The following ANTXRL variants were observed in gnomAD, a reference collection of about 807,000 sequenced individuals.
ANTXRL encodes the protein anthrax toxin receptor-like.
In ANTXRL, 63 loss-of-function variants were observed where a neutral mutation model predicts 75.4. That is an observed-to-expected ratio of 0.84 (90% CI 0.68 to 1.03). The LOEUF (loss-of-function observed/expected upper bound fraction) is 1.03. Ranked by LOEUF, ANTXRL falls within the 50% of genes least tolerant of loss-of-function variation. ANTXRL has a pLI of 0.00. For missense variants in ANTXRL, 797 were observed against 789.4 expected (o/e 1.01, Z -0.12); for synonymous variants, 335 against 291.3 (o/e 1.15, Z -1.53).
intron 16 of ANTXRL, among the ~76,000 whole-genome samples, chr10:46,324,346 G>A (rs112821088): frequency 2.0e-5 from 3 of 152,154 alleles, no homozygotes; most frequent in East Asian, 3.8e-4. Context: ...GCTGAGCAGA[G>A]GTCTATTACC....
intron 2 of ANTXRL, 101 bp downstream of exon 2, chr10:46,292,230 T>C: frequency 9.1e-7 from 1 of 1,101,866 alleles, no homozygotes; most frequent in Non-Finnish European, 1.3e-6. Flanking sequence ...GGCGTGGGAG[T>C]CCTTCAGTGG....
chr10:46,301,831 G>A (rs1554960631), intron 9 of ANTXRL, among the ~76,000 whole-genome samples: 1 of 152,214 alleles, frequency 6.6e-6, no homozygotes, highest in Admixed American at 6.5e-5. Context: ...TGGACCGGGG[G>A]CGCCCCAAGC....
At chr10:46,291,942 T>C (rs1554956590) in intron 1 of ANTXRL, 116 bp from the exon 2 acceptor site, 2 of 898,236 alleles carry the variant, frequency 2.2e-6, no homozygotes, top group Non-Finnish European at 3.5e-6. Context: ...CAGCCTCAGC[T>C]GTGCTGGGGT....
chr10:46,329,451 C>T, intron 16 of ANTXRL, 148 bp from the exon 17 acceptor site: 2 of 1,063,028 alleles, frequency 1.9e-6, no homozygotes, highest in Non-Finnish European at 2.6e-6. Context: ...GGAGGCAGCA[C>T]CAAGGGGAGA....
At chr10:46,324,806 G>A (rs1839137653) in intron 16 of ANTXRL, among the ~76,000 whole-genome samples, 1 of 152,114 alleles carries the variant, frequency 6.6e-6, no homozygotes, top group Non-Finnish European at 1.5e-5. Context: ...AGGAGAGTCA[G>A]GAAACTCTAC....
chr10:46,293,389 CCTGTGTGTGTG>C (rs1837142237), intron 2 of ANTXRL, among the ~76,000 whole-genome samples: 1 of 110,900 alleles, frequency 9.0e-6, no homozygotes, highest in African/African-American at 3.7e-5. Context: ...TGAGTGTGTG[CCTGTGTGTGTG>C]AGTGTGTGCC....
intron 1 of ANTXRL, among the ~76,000 whole-genome samples, chr10:46,289,508 G>A (rs191867808): frequency 6.6e-6 from 1 of 152,226 alleles, no homozygotes. Context: ...CAAGAGGATC[G>A]CTTGAGTCTA....
At chr10:46,321,153 AT>A (rs1554965502) in intron 16 of ANTXRL, among the ~76,000 whole-genome samples, 1 of 152,054 alleles carries the variant, frequency 6.6e-6, no homozygotes, top group East Asian at 1.9e-4. Context: ...TTGTTTCTTC[AT>A]TTTTTTGGTT....
At chr10:46,313,393 G>T (rs1838545525) in intron 16 of ANTXRL, 77 bp downstream of exon 16, 8 of 1,417,938 alleles carry the variant, frequency 5.6e-6, no homozygotes, top group South Asian at 4.9e-5. Context: ...TCTGGGATTG[G>T]GGCTCAGAGA....
intron 10 of ANTXRL, 62 bp from the exon 11 acceptor site, chr10:46,306,741 C>A: frequency 1.4e-6 from 2 of 1,389,460 alleles, no homozygotes; most frequent in Non-Finnish European, 1.9e-6. Context: ...TGAGGACAGA[C>A]ATGGGGAGGA....
At chr10:46,293,475 CAT>C (rs1304154664) in intron 2 of ANTXRL, among the ~76,000 whole-genome samples, 2 of 136,804 alleles carry the variant, frequency 1.5e-5, no homozygotes, top group African/African-American at 5.6e-5. Flanking sequence ...TGTGTGTATG[CAT>C]GTGTGTGGGT....
intron 11 of ANTXRL, 141 bp from the exon 12 acceptor site, chr10:46,307,261 T>A (rs1565035050): frequency 1.5e-6 from 1 of 687,838 alleles, no homozygotes; most frequent in African/African-American, 1.8e-5. Flanking sequence ...CCTCACTGTC[T>A]GACCCACTTA....
chr10:46,296,332 A>G, intron 5 of ANTXRL, 80 bp downstream of exon 5: 1 of 1,467,876 alleles, frequency 6.8e-7, no homozygotes, highest in Non-Finnish European at 9.2e-7. Flanking sequence ...TGTGTGCAGA[A>G]TCTGCAAGGC....
chr10:46,308,613 C>T, intron 12 of ANTXRL: 1 of 360,446 alleles, frequency 2.8e-6, no homozygotes, highest in South Asian at 2.1e-5. Context: ...GGACTTGGAG[C>T]TCTCTAAACC....
chr10:46,287,800 G>A (rs1337137296), intron 1 of ANTXRL, among the ~76,000 whole-genome samples: 7 of 152,174 alleles, frequency 4.6e-5, no homozygotes, highest in African/African-American at 1.2e-4. Context: ...TCACGCTGCT[G>A]CAACAGATGA....
In ANTXRL at chr10:46,292,067, C is replaced by T. The variant is rs1315585866; in HGVS notation, c.258C>T (p.Ser86=). The change falls in exon 2 of 17, where the codon AGC becomes AGT. Residue 86 remains serine, a synonymous_variant. Coordinates refer to ENST00000620264, the MANE Select transcript of ANTXRL (RefSeq NM_001278688.3). ...DLYFILDKSG[S]VNNNWIDLYM... is the part of the protein sequence containing the mutation. ...TCTCCTTTTGTTTTAGGTCTGGCAG[C>T]GTGAACAATAACTGGATTGACCTTT... 41 of 1,536,254 alleles carry T rather than the reference C, an allele frequency of 2.7e-5. No individual in the cohort carries two copies. Among genetic ancestry groups the T allele is most frequent in the Middle Eastern group, 3.3e-4 (2 of 5,984 alleles).
chr10:46,311,890 C>A (rs1289980923), intron 15 of ANTXRL, among the ~76,000 whole-genome samples: 1 of 151,826 alleles, frequency 6.6e-6, no homozygotes, highest in Non-Finnish European at 1.5e-5. Context: ...CCGGGTCTGT[C>A]CCCACACATT....
intron 10 of ANTXRL, among the ~76,000 whole-genome samples, chr10:46,306,491 T>G (rs1196927605): frequency 6.6e-6 from 1 of 152,182 alleles, no homozygotes; most frequent in African/African-American, 2.4e-5. Context: ...CCTCTGGTCA[T>G]GGACATCACA....
At chr10:46,301,944 G>A (rs11259781) in intron 9 of ANTXRL, among the ~76,000 whole-genome samples, 4,707 of 152,264 alleles carry the variant, frequency 0.031, 260 homozygotes, top group African/African-American at 0.11. Context: ...TGGCTCCTGG[G>A]TCCAGCCGTC....
Sources: gnomAD v4.1 joint callset for allele counts (sites outside exome capture counted in the v4.1 genomes callset) on GRCh38, gnomAD v4.1.1 for gene constraint, MANE v1.5 for transcripts, NCBI Gene and HGNC (gene_info 2026-07-23, HGNC 2026-07-21) for gene names.